ACTL8: variants seen among roughly 807,000 people sequenced by gnomAD.
The protein encoded by ACTL8 is actin-like protein 8.
A neutral mutation model predicts 9.3 loss-of-function variants in ACTL8; 3 were observed. The ratio of observed to expected loss-of-function variants is 0.32; its 90% confidence interval spans 0.15 to 0.83. The LOEUF is 0.83. Among genes scored for constraint, ACTL8 ranks in the 40% least tolerant of loss-of-function variants. The pLI is 0.57. For synonymous variants in ACTL8, 224 were observed against 205.9 expected (o/e 1.09, Z -0.75); for missense variants, 381 against 492.2 (o/e 0.77, Z 2.14).
intron 1 of ACTL8, among the ~76,000 whole-genome samples, chr1:17,787,510 C>T (rs1321751925): frequency 6.6e-6 from 1 of 152,190 alleles, no homozygotes; most frequent in Non-Finnish European, 1.5e-5. Context: ...CTCAAGTGAT[C>T]CTCCTGCCTT....
At chr1:17,787,792 G>A (rs2102686337) in intron 1 of ACTL8, among the ~76,000 whole-genome samples, 1 of 152,222 alleles carries the variant, frequency 6.6e-6, no homozygotes, top group African/African-American at 2.4e-5. Context: ...TGGGTCAAAA[G>A]GTTTGTGTGC....
rs1456318074 is a variant in ACTL8 at position 17,782,307 on chromosome 1, A to G, written c.-25+26803A>G. ...AAGGGCCATTGCTTTCGCTTCTGGCATTGAGGATTACAAGAGAGAATACGG... is the reference window on the plus strand; with the variant it reads ...AAGGGCCATTGCTTTCGCTTCTGGCGTTGAGGATTACAAGAGAGAATACGG... On this transcript the variant is annotated intron_variant, in intron 1 of 2. Coordinates refer to ENST00000375406, the MANE Select transcript of ACTL8 (RefSeq NM_030812.3). 2.0e-5 allele frequency among the ~76,000 whole-genome samples: 3 copies of G among 152,218 alleles called. No individual in the cohort carries two copies. In the East Asian group the frequency reaches 5.8e-4, roughly 29 times the overall value.
chr1:17,757,110 C>T (rs1386418019), intron 1 of ACTL8, among the ~76,000 whole-genome samples: 1 of 152,078 alleles, frequency 6.6e-6, no homozygotes, highest in African/African-American at 2.4e-5. Flanking sequence ...AGCCAGGTGA[C>T]AGAGCAAGAC....
At chr1:17,762,059 C>T (rs1432518452) in intron 1 of ACTL8, among the ~76,000 whole-genome samples, 1 of 152,022 alleles carries the variant, frequency 6.6e-6, no homozygotes, top group Non-Finnish European at 1.5e-5. Flanking sequence ...CTAACCTTCA[C>T]CTTACTCAAG....
chr1:17,760,257 T>C (rs1209766748), intron 1 of ACTL8, among the ~76,000 whole-genome samples: 1 of 152,170 alleles, frequency 6.6e-6, no homozygotes, highest in Non-Finnish European at 1.5e-5. Context: ...CTATTTTAAG[T>C]AACACTGATG....
intron 1 of ACTL8, among the ~76,000 whole-genome samples, chr1:17,765,712 C>A (rs1472747740): frequency 6.6e-6 from 1 of 152,242 alleles, no homozygotes; most frequent in Non-Finnish European, 1.5e-5. Flanking sequence ...TATTCACGAT[C>A]TGTCTCCACT....
chr1:17,802,485 A>G (rs2066328644), intron 1 of ACTL8, among the ~76,000 whole-genome samples: 1 of 151,218 alleles, frequency 6.6e-6, no homozygotes, highest in Admixed American at 6.6e-5. Flanking sequence ...TTATCAGATG[A>G]TGGGGCTTAG....
chr1:17,780,575 G>A (rs116119148), intron 1 of ACTL8, among the ~76,000 whole-genome samples: 1,870 of 152,280 alleles, frequency 0.012, 17 homozygotes, highest in African/African-American at 0.022. Flanking sequence ...AAAGCAGACT[G>A]GGGGTGTGTT....
intron 1 of ACTL8, among the ~76,000 whole-genome samples, chr1:17,788,157 T>G (rs2066211918): frequency 6.6e-6 from 1 of 152,246 alleles, no homozygotes; most frequent in African/African-American, 2.4e-5. Context: ...TTTTGCCTTC[T>G]GTGTAGCAGT....
chr1:17,816,819 C>T (rs759104545), intron 1 of ACTL8, among the ~76,000 whole-genome samples: 1 of 152,162 alleles, frequency 6.6e-6, no homozygotes, highest in Non-Finnish European at 1.5e-5. Context: ...TATTCTTCCC[C>T]AACTCTTTGA....
intron 1 of ACTL8, among the ~76,000 whole-genome samples, chr1:17,812,700 C>T (rs997383916): frequency 1.3e-5 from 2 of 151,388 alleles, no homozygotes; most frequent in East Asian, 1.9e-4. Flanking sequence ...ACTGTGTTGC[C>T]CAGGCTGGTC....
At position 17,826,488 on chromosome 1, in the gene ACTL8, G is replaced by A. The variant is rs755110447; in HGVS notation, c.1070G>A (p.Arg357Gln). The A allele has an allele frequency of 5.6e-6, 9 of 1,599,992 alleles. No individual in the cohort carries two copies. Among genetic ancestry groups the A allele is most frequent in the African/African-American group, 1.3e-5 (1 of 74,754 alleles). ...ACCTACCAGTCTGAGTGGATGTCCC[G>A]AGAGGAGTATGGTGAGCATATGAGG... ...LSTYQSEWMS[R>Q]EEYGEHMRM The change falls in exon 3 of 3, where the codon CGA becomes CAA. Residue 357 changes from arginine to glutamine, a missense_variant. Coordinates refer to ENST00000375406, the MANE Select transcript of ACTL8 (RefSeq NM_030812.3). This position sits in a 1 kb window ranked among gnomAD's most constrained non-coding sequence, Gnocchi z 4.5.
chr1:17,779,977 C>T (rs977421267), intron 1 of ACTL8, among the ~76,000 whole-genome samples: 4 of 151,818 alleles, frequency 2.6e-5, no homozygotes, highest in South Asian at 2.1e-4. Flanking sequence ...GAGGCTGAGG[C>T]GGGAGGATTG....
intron 1 of ACTL8, among the ~76,000 whole-genome samples, chr1:17,800,581 A>ATTTTTTTTTTTTTTTTT (rs1347928776): frequency 9.2e-6 from 1 of 108,436 alleles, no homozygotes; most frequent in African/African-American, 4.3e-5. Flanking sequence ...CTTGGTGTCA[A>ATTTTTTTTTTTTTTTTT]TCTTTTTTTT....
intron 1 of ACTL8, among the ~76,000 whole-genome samples, chr1:17,770,044 A>T (rs778222647): frequency 3.2e-4 from 49 of 152,148 alleles, no homozygotes; most frequent in Non-Finnish European, 6.2e-4. Context: ...CCTTCTAGAT[A>T]TGTTGATTTG....
chr1:17,773,864 G>A (rs990356231), intron 1 of ACTL8, among the ~76,000 whole-genome samples: 9 of 152,346 alleles, frequency 5.9e-5, no homozygotes, highest in Admixed American at 3.9e-4. Flanking sequence ...CTGAGCTTCC[G>A]TCTTCTACTT....
intron 1 of ACTL8, among the ~76,000 whole-genome samples, chr1:17,805,100 C>G (rs894431547): frequency 3.3e-5 from 5 of 152,058 alleles, no homozygotes; most frequent in African/African-American, 1.2e-4. Flanking sequence ...TTCTCCAGGA[C>G]CTCACTTCCT....
At chr1:17,822,039 C>T (rs1320593316) in intron 1 of ACTL8, among the ~76,000 whole-genome samples, 1 of 152,184 alleles carries the variant, frequency 6.6e-6, no homozygotes, top group Non-Finnish European at 1.5e-5. Context: ...GGCTGCTGTT[C>T]TCCCCACTTT....
intron 1 of ACTL8, among the ~76,000 whole-genome samples, chr1:17,771,571 T>C (rs1025161987): frequency 1.3e-5 from 2 of 152,166 alleles, no homozygotes; most frequent in African/African-American, 2.4e-5. Context: ...AAACCGTTAC[T>C]ACCAGGAAGG....
Sources: allele counts gnomAD v4.1 joint callset (sites outside exome capture counted in the v4.1 genomes callset), GRCh38; gene constraint gnomAD v4.1.1; non-coding constraint Gnocchi (gnomAD v3.1); transcripts MANE v1.5; gene names NCBI Gene and HGNC (gene_info 2026-07-23, HGNC 2026-07-21).